Variants in ADGRE2 observed in about 807,000 individuals in gnomAD.
The protein encoded by ADGRE2 is adhesion G protein-coupled receptor E2, also known as CD97 antigen.
In ADGRE2, 83 loss-of-function variants were observed where a neutral mutation model predicts 100.8. That is an observed-to-expected ratio of 0.82 (90% CI 0.69 to 0.99). The LOEUF (loss-of-function observed/expected upper bound fraction) is 0.99. Ranked by LOEUF, ADGRE2 falls within the 50% of genes least tolerant of loss-of-function variation. The probability of loss-of-function intolerance (pLI) is 0.00; values close to 1 mark genes in which losing one functional copy is unlikely to be tolerated. For missense variants in ADGRE2, 814 were observed against 1,035.7 expected, an observed-to-expected ratio of 0.79 and a Z score of 2.94; for synonymous variants, 355 against 413.0, an observed-to-expected ratio of 0.86 and a Z score of 1.70.
chr19:14,759,919 C>T (rs8103207), intron 11 of ADGRE2, among the ~76,000 whole-genome samples: 42,593 of 149,816 alleles, frequency 0.28, 6,400 homozygotes, highest in South Asian at 0.52. Context: ...CCCAGGTTCA[C>T]GCCATTCTCC....
chr19:14,773,099 C>CAAAAAAAAAAAAAAAAAAAAAAAAA (rs1231448957), intron 4 of ADGRE2, among the ~76,000 whole-genome samples: 3 of 72,098 alleles, frequency 4.2e-5, no homozygotes, highest in African/African-American at 1.1e-4. Flanking sequence ...AAAAAAAAAA[C>CAAAAAAAAAAAAAAAAAAAAAAAAA]AAAAAAAAAA....
chr19:14,754,885 G>T (rs1279198522), intron 14 of ADGRE2, 69 bp downstream of exon 14: 4 of 1,546,280 alleles, frequency 2.6e-6, no homozygotes, highest in Admixed American at 3.6e-5. Flanking sequence ...TTTTTAAAAG[G>T]CTGCTACGTC....
At chr19:14,773,335 T>A in intron 4 of ADGRE2, among the ~76,000 whole-genome samples, 1 of 135,850 alleles carries the variant, frequency 7.4e-6, no homozygotes, top group East Asian at 2.6e-4. Context: ...CCTCCTTTCC[T>A]TTTTCTTTCC....
In ADGRE2 at chr19:14,734,256, G is replaced by T. The variant is rs2042710312; in HGVS notation, c.*1980C>A. The T allele has an allele frequency of 6.6e-6, 1 of 152,202 alleles. No homozygotes were observed. Among genetic ancestry groups the T allele is most frequent in the African/African-American group, 2.4e-5 (1 of 41,450 alleles). The allele number at this position is 152,202 out of a possible 1,614,324, so 9.4% of individuals were successfully genotyped here. A position where few individuals can be genotyped will look rare whatever the true frequency, so the allele number is the denominator to read the frequency against. On this transcript the variant is annotated 3_prime_UTR_variant, in exon 21 of 21. Transcript: ENST00000315576. ...AGGCTAGGTGCAGTGGCTCAAGCCT[G>T]TAATCCCCGCACTTAGGGAGGCTGA...
intron 14 of ADGRE2, among the ~76,000 whole-genome samples, chr19:14,754,238 C>T (rs2043402177): frequency 6.6e-6 from 1 of 151,528 alleles, no homozygotes; most frequent in African/African-American, 2.4e-5. Context: ...TATCGTGGGA[C>T]CTTGTGATCA....
At chr19:14,763,554 T>C (rs1223525907) in intron 11 of ADGRE2, among the ~76,000 whole-genome samples, 1 of 151,564 alleles carries the variant, frequency 6.6e-6, no homozygotes, top group Non-Finnish European at 1.5e-5. Context: ...TTTATGCATT[T>C]CTTTTTCCTT....
chr19:14,741,931 T>C (rs2042944885), intron 20 of ADGRE2: 1 of 398,200 alleles, frequency 2.5e-6, no homozygotes, highest in Admixed American at 4.4e-5. Flanking sequence ...TTAATAAATG[T>C]TGGTTATTAG....
intron 16 of ADGRE2, among the ~76,000 whole-genome samples, chr19:14,747,581 G>C (rs2043131509): frequency 6.6e-6 from 1 of 152,074 alleles, no homozygotes; most frequent in Non-Finnish European, 1.5e-5. Context: ...GAGGCGGGTG[G>C]ATCATTTGAT....
chr19:14,766,819 C>A (rs1297949365), intron 6 of ADGRE2, among the ~76,000 whole-genome samples, 159 bp downstream of exon 6: 1 of 152,218 alleles, frequency 6.6e-6, no homozygotes, highest in African/African-American at 2.4e-5. Flanking sequence ...TGTGGCGAGT[C>A]CTTCCTGGGA....
At chr19:14,765,901 C>T in intron 7 of ADGRE2, 97 bp from the exon 8 acceptor site, 2 of 1,606,410 alleles carry the variant, frequency 1.2e-6, no homozygotes, top group Non-Finnish European at 8.5e-7. Flanking sequence ...GCATTAGTGC[C>T]CCCCTTGGAG....
At chr19:14,755,617 G>T (rs751222155) in intron 13 of ADGRE2, 37 bp downstream of exon 13, 1 of 1,585,374 alleles carries the variant, frequency 6.3e-7, no homozygotes, top group South Asian at 1.1e-5. Context: ...CCCGGACTCA[G>T]ACTATTCACC....
At chr19:14,767,249 T>G in intron 5 of ADGRE2, 140 bp from the exon 6 acceptor site, 1 of 1,466,540 alleles carries the variant, frequency 6.8e-7, no homozygotes, top group Non-Finnish European at 9.1e-7. Context: ...TTTCTTTTTT[T>G]TTTTTTTGAG....
chr19:14,751,892 TACAC>T (rs149318162), intron 15 of ADGRE2, among the ~76,000 whole-genome samples: 13 of 139,604 alleles, frequency 9.3e-5, no homozygotes, highest in Non-Finnish European at 1.7e-4. Flanking sequence ...TATATACGTA[TACAC>T]ACACACACAC....
downstream of ADGRE2, chr19:14,731,406 C>G (rs773654773): frequency 1.7e-6 from 1 of 574,304 alleles, no homozygotes; most frequent in Non-Finnish European, 3.1e-6. Flanking sequence ...TTCTGGCTTC[C>G]GGATTGTAGG....
rs767761826 is a variant in ADGRE2 at position 14,767,065 on chromosome 19, C to G, written c.400G>C (p.Gly134Arg). The change falls in exon 6 of 21, where the codon GGC becomes CGC. Residue 134 changes from glycine to arginine, a missense_variant. By Grantham distance (125) the Gly-to-Arg change is moderately radical. Coordinates refer to ENST00000315576, the MANE Select transcript of ADGRE2 (RefSeq NM_013447.4). ...QQNPRLCKSY[G>R]TCVNTLGSYT... ...CTGCCGAGGGTGTTGACGCAGGTGC[C>G]GTAGCTTTTACAGAGCCTTGGGTTC... The G allele has an allele frequency of 6.5e-6, 10 of 1,526,782 alleles. 2 individuals are homozygous for G. The highest frequency in any genetic ancestry group is 8.8e-6 in the Non-Finnish European group (10 of 1,134,252). 94.6% of individuals were successfully genotyped at this position (1,526,782 alleles called of 1,614,324 possible). A position where few individuals can be genotyped will look rare whatever the true frequency, so the allele number is the denominator to read the frequency against.
At position 14,755,250 on chromosome 19, in the gene ADGRE2, A is replaced by G. The variant is rs2043451817; in HGVS notation, c.1417-123T>C. On this transcript the variant is annotated intron_variant, in intron 13 of 20. Transcript: ENST00000315576. ...GGAGTTTGAGACCAGCCTGGCCAACATGGTGAAACCCCATCTCTACTAAAA... is the reference window on the plus strand; with the variant it reads ...GGAGTTTGAGACCAGCCTGGCCAACGTGGTGAAACCCCATCTCTACTAAAA... The G allele has an allele frequency of 8.3e-6, 7 of 847,956 alleles. No homozygotes were observed. In the South Asian group the frequency reaches 1.2e-4, roughly 15 times the overall value. 52.5% of individuals were successfully genotyped at this position (847,956 alleles called of 1,614,324 possible).
chr19:14,763,965 C>T lies in ADGRE2; in HGVS notation c.1084+468G>A, dbSNP rs963953150. 8.8e-5 allele frequency among the ~76,000 whole-genome samples: 13 copies of T among 147,752 alleles called. 1 individual carries two copies. The highest frequency in any genetic ancestry group is 1.8e-4 in the Non-Finnish European group (12 of 66,740). On this transcript the variant is annotated intron_variant, in intron 11 of 20. Coordinates refer to ENST00000315576, the MANE Select transcript of ADGRE2 (RefSeq NM_013447.4). ...CCTCCTGTCCTCCTCCTTCTGTCCT[C>T]CCCCTCCTGCCCTCTTCCTCCTTTT...
chr19:14,762,075 C>T (rs748549275), intron 11 of ADGRE2, among the ~76,000 whole-genome samples: 43 of 152,136 alleles, frequency 2.8e-4, no homozygotes, highest in Non-Finnish European at 5.9e-4. Context: ...CAGAAAACAA[C>T]ACCACTTCAC....
At chr19:14,738,381 C>A (rs529463495) in intron 20 of ADGRE2, among the ~76,000 whole-genome samples, 1 of 152,194 alleles carries the variant, frequency 6.6e-6, no homozygotes, top group Non-Finnish European at 1.5e-5. Flanking sequence ...GCACTGAATT[C>A]CTTTTTTTTC....
Sources: gnomAD v4.1 joint callset for allele counts (sites outside exome capture counted in the v4.1 genomes callset) on GRCh38, gnomAD v4.1.1 for gene constraint, MANE v1.5 for transcripts, NCBI Gene and HGNC (gene_info 2026-07-23, HGNC 2026-07-21) for gene names.